The following SOX21 variants were observed in gnomAD, a reference collection of about 807,000 sequenced individuals.
SOX21 encodes transcription factor SOX-21.
For missense variants in SOX21, 370 were observed against 388.8 expected (o/e 0.95, Z 0.41); for synonymous variants, 237 against 189.7 (o/e 1.25, Z -2.05).
At position 94,711,279 on chromosome 13, in the gene SOX21, C is replaced by G; in HGVS notation, c.771G>C (p.Leu257=). 5 of 1,385,776 alleles carry G rather than the reference C, an allele frequency of 3.6e-6. No individual in the cohort carries two copies. The South Asian group carries it at 8.7e-5, about 24-fold the overall frequency. The allele number at this position is 1,385,776 out of a possible 1,614,324, so 85.8% of individuals were successfully genotyped here. A position where few individuals can be genotyped will look rare whatever the true frequency, so the allele number is the denominator to read the frequency against. Residue 257 remains leucine (L), a synonymous_variant, in exon 1 of 1, where the codon CTG becomes CTC. Coordinates refer to ENST00000376945, the MANE Select transcript of SOX21 (RefSeq NM_007084.4). ...GLQPPLAYIL[L]PGMGKPQLDP... is the part of the protein sequence containing the mutation. Reference sequence around the variant, plus strand: ...CCAGCTGGGGCTTGCCCATGCCCGGCAGCAGGATGTAGGCGAGCGGCGGCT... The same window carrying G: ...CCAGCTGGGGCTTGCCCATGCCCGGGAGCAGGATGTAGGCGAGCGGCGGCT...
Position 94,711,965 on chromosome 13 carries a change from C to T in SOX21, c.85G>A (p.Glu29Lys). ...TCCGAGTTGTGCATCTTGGGGTTCT[C>T]CTGGGCCATCTTGCGCCGCTGAGCC... is the stretch of plus-strand genomic sequence containing the variant. ...SRAQRRKMAQENPKMHNSEIS... is the reference protein window; with the variant it reads ...SRAQRRKMAQKNPKMHNSEIS... Residue 29 changes from glutamate (E) to lysine (K), a missense_variant, in exon 1 of 1, where the codon GAG becomes AAG. Glu to Lys is a moderately conservative substitution (Grantham distance 56). Coordinates refer to ENST00000376945, the MANE Select transcript of SOX21 (RefSeq NM_007084.4). 6.2e-7 allele frequency: 1 copy of T among 1,614,062 alleles called. No individual in the cohort carries two copies. The highest frequency in any genetic ancestry group is 8.5e-7 in the Non-Finnish European group (1 of 1,179,972).
chr13:94,712,253 G>A lies in SOX21; in HGVS notation c.-204C>T. 8.2e-7 allele frequency: 1 copy of A among 1,223,872 alleles called. No homozygotes were observed. The allele number at this position is 1,223,872 out of a possible 1,614,324, so 75.8% of individuals were successfully genotyped here. On this transcript the variant is annotated 5_prime_UTR_variant, in exon 1 of 1. Coordinates refer to ENST00000376945, the MANE Select transcript of SOX21 (RefSeq NM_007084.4). The surrounding 1 kb of genome is among the most constrained non-coding windows in gnomAD (Gnocchi z 5.0). ...CCGGGCCGCCTTAGTGTCTCCGGCC[G>A]AGCGCTCGAGCAGGTTGTCTCTGGG...
At position 94,711,314 on chromosome 13, in the gene SOX21, G is replaced by T. The variant is rs1875232167; in HGVS notation, c.736C>A (p.Pro246Thr). The change falls in exon 1 of 1, where the codon CCC becomes ACC. Residue 246 changes from proline (P) to threonine (T), a missense_variant. Pro to Thr is a conservative substitution (Grantham distance 38). Transcript: ENST00000376945. ...TAGGCGAGCGGCGGCTGCAGCCCGGGGCTGGGCCACGCGCTGCAGTTGCAC... is the reference window on the plus strand; with the variant it reads ...TAGGCGAGCGGCGGCTGCAGCCCGGTGCTGGGCCACGCGCTGCAGTTGCAC... The part of the protein sequence containing the change: ...IPCNCSAWPS[P>T]GLQPPLAYIL... The T allele has an allele frequency of 7.5e-7, 1 of 1,329,804 alleles. No individual in the cohort carries two copies. The highest frequency in any genetic ancestry group is 9.6e-7 in the Non-Finnish European group (1 of 1,045,950). The allele number at this position is 1,329,804 out of a possible 1,614,324, so 82.4% of individuals were successfully genotyped here. A position where few individuals can be genotyped will look rare whatever the true frequency, so the allele number is the denominator to read the frequency against.
rs1204295135 is a variant in SOX21 at position 94,711,396 on chromosome 13, G to A, written c.654C>T (p.Ala218=). The change falls in exon 1 of 1, where the codon GCC becomes GCT. Residue 218 remains alanine, a synonymous_variant. Coordinates refer to ENST00000376945, the MANE Select transcript of SOX21 (RefSeq NM_007084.4). ...GGTGCGAGTGCGTGTGCCCCCCGGC[G>A]GCGGCGGCCGCCGCTGCAGCCGCCG... The part of the protein sequence containing the change: ...AAAAAAAAAA[A]AGGHTHSHPS... 3 of 1,221,180 alleles carry A rather than the reference G, an allele frequency of 2.5e-6. No homozygotes were observed. The highest frequency in any genetic ancestry group is 1.0e-6 in the Non-Finnish European group (1 of 980,740). The allele number at this position is 1,221,180 out of a possible 1,614,324, so 75.6% of individuals were successfully genotyped here. A position where few individuals can be genotyped will look rare whatever the true frequency, so the allele number is the denominator to read the frequency against.
chr13:94,711,059 G>T lies in SOX21; in HGVS notation c.*160C>A. Reference sequence around the variant, plus strand: ...CGCCCTTGCGCGCTTGGCCACTCCTGCCCCGCCTGGCCTCTCTGCCTCTAC... The same window carrying T: ...CGCCCTTGCGCGCTTGGCCACTCCTTCCCCGCCTGGCCTCTCTGCCTCTAC... On this transcript the variant is annotated 3_prime_UTR_variant, in exon 1 of 1. Coordinates refer to ENST00000376945, the MANE Select transcript of SOX21 (RefSeq NM_007084.4). The T allele has an allele frequency of 4.2e-6, 3 of 717,670 alleles. No individual in the cohort carries two copies. The highest frequency in any genetic ancestry group is 5.7e-6 in the Non-Finnish European group (3 of 522,646). The allele number at this position is 717,670 out of a possible 1,614,324, so 44.5% of individuals were successfully genotyped here.
In SOX21 at chr13:94,710,790, G is replaced by T. The variant is rs1875211633; in HGVS notation, c.*429C>A. ...ACGGACCGGGAGGGGGTTGGGGGTT[G>T]GGGGGCTGAGGGGCGAGGAAGAAGA... On this transcript the variant is annotated 3_prime_UTR_variant, in exon 1 of 1. Coordinates refer to ENST00000376945, the MANE Select transcript of SOX21 (RefSeq NM_007084.4). 6.8e-6 allele frequency: 1 copy of T among 146,044 alleles called. No individual in the cohort carries two copies. Among genetic ancestry groups the T allele is most frequent in the Non-Finnish European group, 1.5e-5 (1 of 66,466 alleles). 9.0% of individuals were successfully genotyped at this position (146,044 alleles called of 1,614,324 possible). A position where few individuals can be genotyped will look rare whatever the true frequency, so the allele number is the denominator to read the frequency against.
In SOX21 at chr13:94,711,471, C is replaced by G; in HGVS notation, c.579G>C (p.Ser193=). 2 of 1,024,898 alleles carry G rather than the reference C, an allele frequency of 2.0e-6. No individual in the cohort carries two copies. Among genetic ancestry groups the G allele is most frequent in the Non-Finnish European group, 2.4e-6 (2 of 847,600 alleles). The allele number at this position is 1,024,898 out of a possible 1,614,324, so 63.5% of individuals were successfully genotyped here. A position where few individuals can be genotyped will look rare whatever the true frequency, so the allele number is the denominator to read the frequency against. Residue 193 remains serine (S), a synonymous_variant, in exon 1 of 1, where the codon TCG becomes TCC. Transcript: ENST00000376945. ...CGCCCGCGGTCGGGTAGCCCAGCGA[C>G]GACGCGTACGGGAGGCCGGACGAGG... is the stretch of plus-strand genomic sequence containing the variant. The part of the protein sequence containing the change: ...SSSSSGLPYA[S]SLGYPTAGAG...
In SOX21 at chr13:94,712,091, C is replaced by A; in HGVS notation, c.-42G>T. On this transcript the variant is annotated 5_prime_UTR_variant, in exon 1 of 1. Transcript: ENST00000376945. The surrounding 1 kb of genome is among the most constrained non-coding windows in gnomAD (Gnocchi z 5.0). ...GGCTGCAGCCCGCCGCCTCCCGGGC[C>A]CTCGCCCTCGGCCCGGAGGAAATCA... is the stretch of plus-strand genomic sequence containing the variant. 6.3e-7 allele frequency: 1 copy of A among 1,588,604 alleles called. No individual in the cohort carries two copies. The highest frequency in any genetic ancestry group is 8.6e-7 in the Non-Finnish European group (1 of 1,167,196).
In SOX21 at chr13:94,711,558, GGCGGCGGCGGCGGCA is replaced by G. The variant is rs1482817098; in HGVS notation, c.477_491del (p.Ala162_Ala166del). The G allele has an allele frequency of 3.6e-5, 36 of 994,542 alleles. No individual in the cohort carries two copies. Among genetic ancestry groups the G allele is most frequent in the East Asian group, 1.0e-4 (1 of 9,866 alleles). 61.6% of individuals were successfully genotyped at this position (994,542 alleles called of 1,614,324 possible). A position where few individuals can be genotyped will look rare whatever the true frequency, so the allele number is the denominator to read the frequency against. Reference sequence around the variant, plus strand: ...GCAGCGAGTAGGGGCTGCCCGCGGCGGCGGCGGCGGCGGCAGCGGCGGCGGCAGCGGCCGACTGCG... The same window carrying G: ...GCAGCGAGTAGGGGCTGCCCGCGGCGGCGGCGGCGGCAGCGGCCGACTGCG... On this transcript the variant is annotated inframe_deletion, in exon 1 of 1. Transcript: ENST00000376945.
In SOX21 at chr13:94,710,913, C is replaced by A; in HGVS notation, c.*306G>T. On this transcript the variant is annotated 3_prime_UTR_variant, in exon 1 of 1. Coordinates refer to ENST00000376945, the MANE Select transcript of SOX21 (RefSeq NM_007084.4). ...TCCTCCACCTCCGTGGGTCAAAACG[C>A]AACAGGTTCCGAAGTGCAAAGCAAA... is the stretch of plus-strand genomic sequence containing the variant. 1 of 286,970 alleles carries A rather than the reference C, an allele frequency of 3.5e-6. No homozygotes were observed. 17.8% of individuals were successfully genotyped at this position (286,970 alleles called of 1,614,324 possible). A position where few individuals can be genotyped will look rare whatever the true frequency, so the allele number is the denominator to read the frequency against.
chr13:94,710,988 G>C lies in SOX21; in HGVS notation c.*231C>G, dbSNP rs891521018. On this transcript the variant is annotated 3_prime_UTR_variant, in exon 1 of 1. Transcript: ENST00000376945. ...GCCTGCTTTCGAGTTGGCTGCCGAA[G>C]TGCGGGTCTGAAATGATCCTGCGAA... 8 of 386,666 alleles carry C rather than the reference G, an allele frequency of 2.1e-5. No individual in the cohort carries two copies. Among genetic ancestry groups the C allele is most frequent in the Non-Finnish European group, 3.2e-5 (7 of 221,098 alleles). The allele number at this position is 386,666 out of a possible 1,614,324, so 24.0% of individuals were successfully genotyped here.
rs1875254675 is a variant in SOX21, at chr13:94,711,618, G to A, written c.432C>T (p.Ala144=). 5.7e-6 allele frequency: 7 copies of A among 1,229,286 alleles called. No homozygotes were observed. The highest frequency in any genetic ancestry group is 7.1e-6 in the Non-Finnish European group (7 of 983,590). The allele number at this position is 1,229,286 out of a possible 1,614,324, so 76.1% of individuals were successfully genotyped here. Residue 144 remains alanine, a synonymous_variant, in exon 1 of 1, where the codon GCC becomes GCT. Coordinates refer to ENST00000376945, the MANE Select transcript of SOX21 (RefSeq NM_007084.4). ...ACTGCGGGAAGAAGACGCGTGCGGCGGCAGCGGCGGCGGCCGCGGCCGCCT... is the reference window on the plus strand; with the variant it reads ...ACTGCGGGAAGAAGACGCGTGCGGCAGCAGCGGCGGCGGCCGCGGCCGCCT... ...PEKAAAAAAA[A]AARVFFPQSA... is the part of the protein sequence containing the mutation.
chr13:94,710,998 G>T lies in SOX21; in HGVS notation c.*221C>A. 2.5e-6 allele frequency: 1 copy of T among 399,506 alleles called. No individual in the cohort carries two copies. Among genetic ancestry groups the T allele is most frequent in the Non-Finnish European group, 4.3e-6 (1 of 231,394 alleles). 24.7% of individuals were successfully genotyped at this position (399,506 alleles called of 1,614,324 possible). On this transcript the variant is annotated 3_prime_UTR_variant, in exon 1 of 1. Transcript: ENST00000376945. Reference sequence around the variant, plus strand: ...GAGTTGGCTGCCGAAGTGCGGGTCTGAAATGATCCTGCGAATTCACAGGCC... The same window carrying T: ...GAGTTGGCTGCCGAAGTGCGGGTCTTAAATGATCCTGCGAATTCACAGGCC...
Position 94,711,393 on chromosome 13 carries a change from G to A in SOX21, c.657C>T (p.Ala219=), listed in dbSNP as rs1342629828. The A allele has an allele frequency of 1.6e-6, 2 of 1,215,540 alleles. No homozygotes were observed. Among genetic ancestry groups the A allele is most frequent in the Non-Finnish European group, 1.0e-6 (1 of 976,892 alleles). The allele number at this position is 1,215,540 out of a possible 1,614,324, so 75.3% of individuals were successfully genotyped here. ...TGGGGTGCGAGTGCGTGTGCCCCCC[G>A]GCGGCGGCGGCCGCCGCTGCAGCCG... ...AAAAAAAAAA[A]GGHTHSHPSP... Residue 219 remains alanine (A), a synonymous_variant, in exon 1 of 1, where the codon GCC becomes GCT. Coordinates refer to ENST00000376945, the MANE Select transcript of SOX21 (RefSeq NM_007084.4).
rs1360983270 is a variant in SOX21 at position 94,710,719 on chromosome 13, T to A, written c.*500A>T. 7.0e-6 allele frequency: 1 copy of A among 142,838 alleles called. No individual in the cohort carries two copies. The allele number at this position is 142,838 out of a possible 1,614,324, so 8.8% of individuals were successfully genotyped here. A position where few individuals can be genotyped will look rare whatever the true frequency, so the allele number is the denominator to read the frequency against. On this transcript the variant is annotated 3_prime_UTR_variant, in exon 1 of 1. Transcript: ENST00000376945. ...CGAATGACACAAGCAGCTTTTCCCG[T>A]GTGCCAGCCATTTCAGACCTCACAT...
rs949930959 is a variant in SOX21, at chr13:94,710,902, G to A, written c.*317C>T. The A allele has an allele frequency of 2.3e-5, 6 of 265,712 alleles. No homozygotes were observed. Among genetic ancestry groups the A allele is most frequent in the Non-Finnish European group, 3.5e-5 (5 of 141,104 alleles). 16.5% of individuals were successfully genotyped at this position (265,712 alleles called of 1,614,324 possible). On this transcript the variant is annotated 3_prime_UTR_variant, in exon 1 of 1. Coordinates refer to ENST00000376945, the MANE Select transcript of SOX21 (RefSeq NM_007084.4). Reference sequence around the variant, plus strand: ...CAAAAAGTTACTCCTCCACCTCCGTGGGTCAAAACGCAACAGGTTCCGAAG... The same window carrying A: ...CAAAAAGTTACTCCTCCACCTCCGTAGGTCAAAACGCAACAGGTTCCGAAG...
chr13:94,710,437 C>A lies in SOX21; in HGVS notation c.*782G>T, dbSNP rs1394099354. On this transcript the variant is annotated 3_prime_UTR_variant, in exon 1 of 1. Transcript: ENST00000376945. ...GTTGTTGTTTGTTTAGGAAGAAAAT[C>A]CAATTGACAACTTTCATCTCACAAA... 1.3e-5 allele frequency: 2 copies of A among 152,418 alleles called. No individual in the cohort carries two copies. The highest frequency in any genetic ancestry group is 2.4e-5 in the African/African-American group (1 of 41,424). The allele number at this position is 152,418 out of a possible 1,614,324, so 9.4% of individuals were successfully genotyped here. A position where few individuals can be genotyped will look rare whatever the true frequency, so the allele number is the denominator to read the frequency against.
chr13:94,710,047 G>C lies in SOX21; in HGVS notation c.*1172C>G, dbSNP rs1369517528. 6.6e-6 allele frequency: 1 copy of C among 152,134 alleles called. No individual in the cohort carries two copies. The highest frequency in any genetic ancestry group is 3.2e-3 in the Middle Eastern group (1 of 316). 9.4% of individuals were successfully genotyped at this position (152,134 alleles called of 1,614,324 possible). Reference sequence around the variant, plus strand: ...AGAGAAATGCTAGCTGAAAATGAGAGACATCTGTTGAAACAATTCTGTGCT... The same window carrying C: ...AGAGAAATGCTAGCTGAAAATGAGACACATCTGTTGAAACAATTCTGTGCT... On this transcript the variant is annotated 3_prime_UTR_variant, in exon 1 of 1. Coordinates refer to ENST00000376945, the MANE Select transcript of SOX21 (RefSeq NM_007084.4).
At position 94,711,062 on chromosome 13, in the gene SOX21, C is replaced by A. The variant is rs1875219533; in HGVS notation, c.*157G>T. 1.3e-6 allele frequency: 1 copy of A among 766,200 alleles called. No homozygotes were observed. Among genetic ancestry groups the A allele is most frequent in the Non-Finnish European group, 1.8e-6 (1 of 564,260 alleles). The allele number at this position is 766,200 out of a possible 1,614,324, so 47.5% of individuals were successfully genotyped here. A position where few individuals can be genotyped will look rare whatever the true frequency, so the allele number is the denominator to read the frequency against. ...CCTTGCGCGCTTGGCCACTCCTGCCCCGCCTGGCCTCTCTGCCTCTACCTG... is the reference window on the plus strand; with the variant it reads ...CCTTGCGCGCTTGGCCACTCCTGCCACGCCTGGCCTCTCTGCCTCTACCTG... On this transcript the variant is annotated 3_prime_UTR_variant, in exon 1 of 1. Coordinates refer to ENST00000376945, the MANE Select transcript of SOX21 (RefSeq NM_007084.4).
Sources: gnomAD v4.1 joint callset for allele counts on GRCh38, gnomAD v4.1.1 for gene constraint, Gnocchi (gnomAD v3.1) non-coding constraint, MANE v1.5 for transcripts, NCBI Gene and HGNC (gene_info 2026-07-23, HGNC 2026-07-21) for gene names.